The following ZBTB25 variants were observed in gnomAD, a reference collection of about 807,000 sequenced individuals.
ZBTB25 encodes the protein zinc finger and BTB domain containing 25, also known as zinc finger and BTB domain-containing protein 25.
ZBTB25 carries 20 observed loss-of-function variants against 34.2 expected under a neutral mutation model. The ratio of observed to expected loss-of-function variants is 0.58; its 90% CI spans 0.41 to 0.85. The LOEUF is 0.85. Ranked by LOEUF, ZBTB25 falls within the 40% of genes least tolerant of loss-of-function variation. ZBTB25 has a pLI of 0.00. For missense variants in ZBTB25, 437 were observed against 521.8 expected (o/e 0.84, Z 1.58); for synonymous variants, 175 against 186.4 (o/e 0.94, Z 0.50).
At chr14:64,494,738 C>T (rs1052565235) in intron 1 of ZBTB25, among the ~76,000 whole-genome samples, 1 of 152,182 alleles carries the variant, frequency 6.6e-6, no homozygotes, top group African/African-American at 2.4e-5. Context: ...CCCAAACATA[C>T]CTCTTCCCTT....
At chr14:64,476,815 CA>C (rs2078724757), downstream of ZBTB25, among the ~76,000 whole-genome samples, 1 of 152,024 alleles carries the variant, frequency 6.6e-6, no homozygotes, top group South Asian at 2.1e-4. Context: ...GTCCTGATTT[CA>C]GGGTGAATTT....
At chr14:64,477,478 C>T (rs1207990812), downstream of ZBTB25, among the ~76,000 whole-genome samples, 1 of 152,156 alleles carries the variant, frequency 6.6e-6, no homozygotes, top group Non-Finnish European at 1.5e-5. Context: ...CTCACACCAC[C>T]AGACAGCACA....
At chr14:64,505,043 G>A (rs888692120), upstream of ZBTB25, 8 of 376,974 alleles carry the variant, frequency 2.1e-5, no homozygotes, top group Admixed American at 1.4e-4. Flanking sequence ...CCGGAGGGGC[G>A]CCGATCCGTG....
In ZBTB25 at chr14:64,485,423, T is replaced by C. The variant is rs994531982; in HGVS notation, c.*1500A>G. 9 of 985,440 alleles carry C rather than the reference T, an allele frequency of 9.1e-6. No homozygotes were observed. The African/African-American group carries it at 1.0e-4, about 11-fold the overall frequency. 61.0% of individuals were successfully genotyped at this position (985,440 alleles called of 1,614,324 possible). The stretch of plus-strand genomic sequence containing the variant: ...TATGCGGGGTTTGAAATTTAAACAT[T>C]TCAGAAACAATTTAGATCTATCCTT... On this transcript the variant is annotated 3_prime_UTR_variant, in exon 3 of 3. Transcript: ENST00000608382.
At chr14:64,500,967 C>T (rs1012864742) in intron 1 of ZBTB25, among the ~76,000 whole-genome samples, 2 of 152,174 alleles carry the variant, frequency 1.3e-5, no homozygotes, top group African/African-American at 4.8e-5. Flanking sequence ...CAGAGAATCG[C>T]TTGAATGCAG....
chr14:64,471,142 CTATTT>C (rs1463046279), intron 2 of ZBTB25: 1 of 164,360 alleles, frequency 6.1e-6, no homozygotes, highest in Non-Finnish European at 1.5e-5. Context: ...TTTTTCATCA[CTATTT>C]TCTTTTCTTT....
intron 2 of ZBTB25, among the ~76,000 whole-genome samples, chr14:64,452,407 C>T (rs887484093): frequency 4.6e-5 from 7 of 152,194 alleles, no homozygotes; most frequent in Non-Finnish European, 8.8e-5. Flanking sequence ...AGTAGCTTTG[C>T]TTCTGATTTC....
rs73265622 is a variant in ZBTB25, at chr14:64,468,299, T to G, written c.174-18661A>C. The G allele has an allele frequency of 3.3e-3, 3,894 of 1,192,056 alleles. 100 individuals carry two copies. The African/African-American group carries it at 0.054, about 17-fold the overall frequency. 73.8% of individuals were successfully genotyped at this position (1,192,056 alleles called of 1,614,324 possible). ...GGTATGAATATGCCTGGAAGAAATT[T>G]TACCTAGTGTGACATTTTTGCTCAT... On this transcript the variant is annotated intron_variant, in intron 2 of 2. Coordinates refer to the ZBTB25 transcript ENST00000555220.
At position 64,481,313 on chromosome 14, in the gene ZBTB25, A is replaced by AT. The variant is rs922159631; in HGVS notation, c.*5609dup. 1 of 152,288 alleles carries AT rather than the reference A, an allele frequency of 6.6e-6. No individual in the cohort carries two copies. Among genetic ancestry groups the AT allele is most frequent in the African/African-American group, 2.4e-5 (1 of 41,446 alleles). 9.4% of individuals were successfully genotyped at this position (152,288 alleles called of 1,614,324 possible). A position where few individuals can be genotyped will look rare whatever the true frequency, so the allele number is the denominator to read the frequency against. ...GGCCTTGGCCTCCCAAAGTGCTGGG[A>AT]TTACAGGCATGAGGCACCATGCCCG... On this transcript the variant is annotated 3_prime_UTR_variant, in exon 3 of 3. Coordinates refer to ENST00000608382, the MANE Select transcript of ZBTB25 (RefSeq NM_006977.5).
intron 2 of ZBTB25, among the ~76,000 whole-genome samples, chr14:64,489,048 A>G (rs2078980185): frequency 6.6e-6 from 1 of 152,184 alleles, no homozygotes. Context: ...GGAGTTCAAG[A>G]GGAGCCTAAC....
At chr14:64,494,794 G>C (rs1350259718) in intron 1 of ZBTB25, among the ~76,000 whole-genome samples, 2 of 151,966 alleles carry the variant, frequency 1.3e-5, no homozygotes, top group African/African-American at 4.8e-5. Context: ...AACTTACATA[G>C]AGCACTGAAG....
At chr14:64,488,194 A>G (rs1566601930) in intron 2 of ZBTB25, 137 bp from the exon 3 acceptor site, 5 of 1,336,444 alleles carry the variant, frequency 3.7e-6, no homozygotes, top group African/African-American at 1.5e-5. Flanking sequence ...AAAACATGGC[A>G]ACAAAGGCTT....
intron 2 of ZBTB25, among the ~76,000 whole-genome samples, chr14:64,456,507 T>C (rs1257907628): frequency 6.6e-6 from 1 of 152,212 alleles, no homozygotes; most frequent in Non-Finnish European, 1.5e-5. Context: ...AAAATCCTCT[T>C]GGGGAATGAG....
At chr14:64,451,509 G>A (rs999286764) in intron 2 of ZBTB25, among the ~76,000 whole-genome samples, 17 of 152,210 alleles carry the variant, frequency 1.1e-4, no homozygotes, top group African/African-American at 4.1e-4. Flanking sequence ...TTATAGGCAA[G>A]TTTTAAAATC....
intron 2 of ZBTB25, chr14:64,460,242 A>T: frequency 3.5e-6 from 1 of 284,922 alleles, no homozygotes; most frequent in South Asian, 7.4e-5. Context: ...CTTACCTTTT[A>T]ATCTTATACC....
chr14:64,505,051 G>C (rs1436978431), upstream of ZBTB25: 1 of 374,796 alleles, frequency 2.7e-6, no homozygotes, highest in African/African-American at 2.1e-5. Context: ...GCGCCGATCC[G>C]TGCGGGGAGC....
At chr14:64,454,581 AG>A (rs1460760941) in intron 2 of ZBTB25, 2 of 673,410 alleles carry the variant, frequency 3.0e-6, no homozygotes, top group Non-Finnish European at 2.6e-6. Context: ...AATAAGCTGG[AG>A]GACAGCAAGA....
chr14:64,462,794 AGACTT>A (rs1310125086), intron 2 of ZBTB25: 1 of 152,160 alleles, frequency 6.6e-6, no homozygotes, highest in Non-Finnish European at 1.5e-5. Flanking sequence ...AAACCACCAG[AGACTT>A]GGAGCCTCAG....
chr14:64,457,372 C>G (rs952513876), intron 2 of ZBTB25, among the ~76,000 whole-genome samples: 3 of 152,200 alleles, frequency 2.0e-5, no homozygotes, highest in Admixed American at 1.3e-4. Flanking sequence ...ACACCTCCTG[C>G]TACTGCTTGT....
Sources: allele counts gnomAD v4.1 joint callset (sites outside exome capture counted in the v4.1 genomes callset), GRCh38; gene constraint gnomAD v4.1.1; transcripts MANE v1.5; gene names NCBI Gene and HGNC (gene_info 2026-07-23, HGNC 2026-07-21).